SCN8A: variants seen among roughly 807,000 people sequenced by gnomAD.
SCN8A encodes the protein sodium channel protein type 8 subunit alpha.
In SCN8A, 30 loss-of-function variants were observed where a neutral mutation model predicts 184.1. The ratio of observed to expected loss-of-function variants is 0.16; its 90% CI spans 0.12 to 0.22. The LOEUF (loss-of-function observed/expected upper bound fraction) is 0.22. SCN8A is among the 10% of genes least tolerant of loss of function. The probability of loss-of-function intolerance (pLI) is 1.00; values close to 1 mark genes in which losing one functional copy is unlikely to be tolerated. For synonymous variants in SCN8A, 852 were observed against 907.0 expected, an observed-to-expected ratio of 0.94 and a Z score of 1.09; for missense variants, 1,057 against 2,498.9, an observed-to-expected ratio of 0.42 and a Z score of 12.30.
chr12:51,646,734 C>T (rs1940597596), intron 1 of SCN8A, among the ~76,000 whole-genome samples: 2 of 152,114 alleles, frequency 1.3e-5, no homozygotes, highest in Non-Finnish European at 2.9e-5. Flanking sequence ...GGGAAAGGCT[C>T]TTGTGCCTTG....
At chr12:51,711,204 A>G (rs1418539587) in intron 11 of SCN8A, among the ~76,000 whole-genome samples, 1 of 152,176 alleles carries the variant, frequency 6.6e-6, no homozygotes, top group Non-Finnish European at 1.5e-5. Context: ...TTGCTATTGA[A>G]TGGTCTCTGA....
chr12:51,722,907 T>C (rs900410883), intron 12 of SCN8A: 1 of 152,258 alleles, frequency 6.6e-6, no homozygotes, highest in Non-Finnish European at 1.5e-5. Context: ...AAAATTCTTA[T>C]AACCTTAGTG....
chr12:51,760,415 G>C (rs1260528515), intron 14 of SCN8A, among the ~76,000 whole-genome samples: 1 of 152,154 alleles, frequency 6.6e-6, no homozygotes, highest in African/African-American at 2.4e-5. Flanking sequence ...CATTCATCCT[G>C]GTGATAGGCA....
intron 1 of SCN8A, among the ~76,000 whole-genome samples, chr12:51,609,389 A>G (rs1395153680): frequency 6.6e-6 from 1 of 152,144 alleles, no homozygotes; most frequent in African/African-American, 2.4e-5. Flanking sequence ...GTTAGTATTG[A>G]AGTCCCCCAC....
At chr12:51,609,098 TG>T in intron 1 of SCN8A, among the ~76,000 whole-genome samples, 1 of 152,266 alleles carries the variant, frequency 6.6e-6, no homozygotes, top group South Asian at 2.1e-4. Flanking sequence ...TCTGAGAGAG[TG>T]CTTGATACAA....
At chr12:51,669,347 A>G (rs1320923381) in intron 2 of SCN8A, among the ~76,000 whole-genome samples, 3 of 152,276 alleles carry the variant, frequency 2.0e-5, no homozygotes, top group East Asian at 1.9e-4. Context: ...CTTACCTACA[A>G]TATTTGCAAA....
intron 11 of SCN8A, among the ~76,000 whole-genome samples, chr12:51,715,457 T>G (rs1941949306): frequency 6.6e-6 from 1 of 151,890 alleles, no homozygotes; most frequent in South Asian, 2.1e-4. Context: ...TAGCACACAA[T>G]AGGTATTTGG....
At chr12:51,610,952 C>G (rs75048082) in intron 1 of SCN8A, among the ~76,000 whole-genome samples, 6,379 of 152,192 alleles carry the variant, frequency 0.042, 252 homozygotes, top group South Asian at 0.15. Context: ...GTCCTTTTGC[C>G]TTTGCATATA....
intron 1 of SCN8A, among the ~76,000 whole-genome samples, chr12:51,616,695 G>A (rs919209251): frequency 6.6e-6 from 1 of 152,016 alleles, no homozygotes; most frequent in Non-Finnish European, 1.5e-5. Context: ...TGACATGGGA[G>A]GACTGCCTGA....
At chr12:51,746,718 G>A (rs568877222) in intron 13 of SCN8A, among the ~76,000 whole-genome samples, 3 of 152,168 alleles carry the variant, frequency 2.0e-5, no homozygotes, top group Non-Finnish European at 4.4e-5. Flanking sequence ...ACAACCTGGC[G>A]TGCTGAGGAA....
At chr12:51,774,418 G>A in intron 20 of SCN8A, 56 bp downstream of exon 20, 1 of 1,515,306 alleles carries the variant, frequency 6.6e-7, no homozygotes, top group African/African-American at 1.4e-5. Context: ...AGAAACAGGG[G>A]TCTCTCTTTT....
chr12:51,593,613 G>T (rs924440295), intron 1 of SCN8A, among the ~76,000 whole-genome samples: 1 of 152,110 alleles, frequency 6.6e-6, no homozygotes, highest in African/African-American at 2.4e-5. Context: ...CAGGTTTCTT[G>T]CTGTGGTGCT....
intron 1 of SCN8A, among the ~76,000 whole-genome samples, chr12:51,594,223 G>A (rs568951461): frequency 3.3e-5 from 5 of 152,248 alleles, no homozygotes; most frequent in Admixed American, 2.0e-4. Context: ...GCCACATAAC[G>A]TAGCTCATTC....
Position 51,737,577 on chromosome 12 carries a change from C to A in SCN8A, c.1999-8326C>A, listed in dbSNP as rs538148242. Among the ~76,000 whole-genome samples, 3 of 152,298 alleles carry A rather than the reference C, an allele frequency of 2.0e-5. No homozygotes were observed. The East Asian group carries it at 5.8e-4, about 29-fold the overall frequency. ...AAGTCATTTAATGTTTTTAGTTGATCCCTACGTATGGTTACTTTTTGTGGC... is the reference window on the plus strand; with the variant it reads ...AAGTCATTTAATGTTTTTAGTTGATACCTACGTATGGTTACTTTTTGTGGC... On this transcript the variant is annotated intron_variant, in intron 12 of 26. Transcript: ENST00000627620.
chr12:51,700,605 A>G (rs1252417232), intron 7 of SCN8A, among the ~76,000 whole-genome samples: 5 of 152,246 alleles, frequency 3.3e-5, no homozygotes, highest in Admixed American at 3.3e-4. Flanking sequence ...ACTCATGAAA[A>G]AAGTTAGAGA....
intron 2 of SCN8A, among the ~76,000 whole-genome samples, chr12:51,674,336 T>A (rs995218341): frequency 1.3e-5 from 2 of 152,084 alleles, no homozygotes; most frequent in African/African-American, 2.4e-5. Context: ...TCTTGTCATC[T>A]TCTTTTTTTT....
intron 1 of SCN8A, among the ~76,000 whole-genome samples, chr12:51,626,531 A>G (rs1161723224): frequency 6.6e-6 from 1 of 152,224 alleles, no homozygotes; most frequent in Non-Finnish European, 1.5e-5. Flanking sequence ...CTCGTGATAT[A>G]TCATGAAAAA....
chr12:51,644,144 T>G (rs1940512457), intron 1 of SCN8A, among the ~76,000 whole-genome samples: 1 of 152,236 alleles, frequency 6.6e-6, no homozygotes, highest in Non-Finnish European at 1.5e-5. Context: ...TTGCTTAGTC[T>G]GTCAGATTCC....
Position 51,806,912 on chromosome 12 carries a change from C to A in SCN8A, c.5426C>A (p.Ala1809Glu). 6.2e-7 allele frequency: 1 copy of A among 1,613,208 alleles called. No individual in the cohort carries two copies. The highest frequency in any genetic ancestry group is 8.5e-7 in the Non-Finnish European group (1 of 1,179,270). ...ATQFIEYCKL[A>E]DFADALEHPL... The stretch of plus-strand genomic sequence containing the variant: ...CAGTTCATTGAGTACTGTAAGCTGG[C>A]AGACTTTGCAGATGCCTTGGAGCAT... The change falls in exon 27 of 27, where the codon GCA (alanine) becomes GAA (glutamate). Residue 1809 changes from alanine to glutamate, a missense_variant. By Grantham distance (107) the Ala-to-Glu change is moderately radical. Coordinates refer to ENST00000627620, the MANE Select transcript of SCN8A (RefSeq NM_001330260.2). The surrounding 1 kb of genome is among the most constrained non-coding windows in gnomAD (Gnocchi z 8.7).
Sources: allele counts gnomAD v4.1 joint callset (sites outside exome capture counted in the v4.1 genomes callset), GRCh38; gene constraint gnomAD v4.1.1; non-coding constraint Gnocchi (gnomAD v3.1); transcripts MANE v1.5; gene names NCBI Gene and HGNC (gene_info 2026-07-23, HGNC 2026-07-21).